FANCM: variants seen among roughly 807,000 people sequenced by gnomAD.
FANCM encodes FA complementation group M.
Under a neutral mutation model 199.5 loss-of-function variants are expected in FANCM, and 140 were observed. That is an observed-to-expected ratio of 0.70 (90% CI 0.61 to 0.81). The LOEUF (loss-of-function observed/expected upper bound fraction) is 0.81. Ranked by LOEUF, FANCM falls within the 30% of genes least tolerant of loss-of-function variation. The pLI, the probability that FANCM is intolerant of heterozygous loss-of-function variation, is 0.00. For synonymous variants in FANCM, 840 were observed against 836.8 expected, an observed-to-expected ratio of 1.00 and a Z score of -0.07; for missense variants, 2,410 against 2,421.4, an observed-to-expected ratio of 1.00 and a Z score of 0.10.
rs1339839636 is a variant in FANCM at position 45,136,403 on chromosome 14, C to G, written c.372C>G (p.Val124=). Residue 124 remains valine (V), a synonymous_variant, in exon 1 of 23, where the codon GTC becomes GTG. Coordinates refer to ENST00000267430, the MANE Select transcript of FANCM (RefSeq NM_020937.4). ...GLGKTFIAAV[V]MYNFYRWFPS... is the part of the protein sequence containing the mutation. ...GAAAGACCTTTATTGCCGCCGTGGT[C>G]ATGTACAATTTCTACCGCTGGTTCC... 1 of 1,614,164 alleles carries G rather than the reference C, an allele frequency of 6.2e-7. No individual in the cohort carries two copies. Among genetic ancestry groups the G allele is most frequent in the Non-Finnish European group, 8.5e-7 (1 of 1,180,030 alleles).
Position 45,198,573 on chromosome 14 carries a change from A to T in FANCM, c.5717-71A>T. On this transcript the variant is annotated intron_variant, in intron 21 of 22. Transcript: ENST00000267430. ...GTGTAGATCTTGGGATTTTAATAAA[A>T]TAAAGTATATTAATAATTCTACTTA... The T allele has an allele frequency of 7.0e-6, 6 of 856,004 alleles. No individual in the cohort carries two copies. The South Asian group carries it at 9.7e-5, about 14-fold the overall frequency. 53.0% of individuals were successfully genotyped at this position (856,004 alleles called of 1,614,324 possible). A position where few individuals can be genotyped will look rare whatever the true frequency, so the allele number is the denominator to read the frequency against.
intron 19 of FANCM, 71 bp from the exon 20 acceptor site, chr14:45,188,731 C>A: frequency 8.7e-7 from 1 of 1,148,116 alleles, no homozygotes; most frequent in Non-Finnish European, 1.3e-6. Flanking sequence ...TTTCATGTGC[C>A]TAGAAGTATA....
chr14:45,170,903 C>G (rs971425366), intron 12 of FANCM, among the ~76,000 whole-genome samples, 157 bp downstream of exon 12: 2 of 151,944 alleles, frequency 1.3e-5, no homozygotes, highest in Non-Finnish European at 2.9e-5. Flanking sequence ...AGAATGTAAT[C>G]AGTGTAAGAA....
chr14:45,197,769 T>C (rs1206959075), intron 21 of FANCM, among the ~76,000 whole-genome samples: 3 of 93,310 alleles, frequency 3.2e-5, no homozygotes, highest in African/African-American at 1.8e-4. Flanking sequence ...CCAGCCTTCT[T>C]TTTTTTTTTT....
chr14:45,148,814 C>T, intron 3 of FANCM, 23 bp from the exon 4 acceptor site: 4 of 1,561,458 alleles, frequency 2.6e-6, no homozygotes, highest in Non-Finnish European at 3.5e-6. Context: ...AGTTTATAAT[C>T]ATACTTAATT....
chr14:45,199,576 A>C (rs2139331007), intron 22 of FANCM, among the ~76,000 whole-genome samples: 1 of 152,338 alleles, frequency 6.6e-6, no homozygotes, highest in Non-Finnish European at 1.5e-5. Flanking sequence ...TAATTCTCAA[A>C]GTTGCCACTT....
Position 45,175,652 on chromosome 14 carries a change from G to A in FANCM, c.2898G>A (p.Glu966=), listed in dbSNP as rs146050453. The A allele has an allele frequency of 1.4e-5, 22 of 1,612,750 alleles. No homozygotes were observed. Among genetic ancestry groups the A allele is most frequent in the South Asian group, 6.6e-5 (6 of 91,056 alleles). Residue 966 remains glutamate (E), a synonymous_variant, in exon 14 of 23, where the codon GAG becomes GAA. Coordinates refer to ENST00000267430, the MANE Select transcript of FANCM (RefSeq NM_020937.4). ...SSNLFLPFEE[E]LYIVRTDDQF... is the part of the protein sequence containing the mutation. ...ACTTATTTCTTCCATTCGAAGAAGA[G>A]CTTTATATTGTTAGAACAGATGACC...
intron 20 of FANCM, among the ~76,000 whole-genome samples, chr14:45,191,239 G>A (rs1270382888): frequency 6.6e-6 from 1 of 152,142 alleles, no homozygotes; most frequent in Non-Finnish European, 1.5e-5. Context: ...GTCTTAGGGT[G>A]TCAATTTGGT....
chr14:45,140,508 A>G, intron 2 of FANCM, 124 bp from the exon 3 acceptor site: 5 of 693,526 alleles, frequency 7.2e-6, no homozygotes, highest in Non-Finnish European at 1.0e-5. Flanking sequence ...TAGTTCACTC[A>G]CTAGACCATC....
At chr14:45,166,427 G>A (rs1048833931) in intron 10 of FANCM, among the ~76,000 whole-genome samples, 6 of 151,898 alleles carry the variant, frequency 4.0e-5, no homozygotes, top group Middle Eastern at 3.2e-3. Context: ...GTGAGCCACC[G>A]CACCCAGCCT....
chr14:45,143,605 A>C (rs1886135559), intron 3 of FANCM, among the ~76,000 whole-genome samples: 1 of 152,034 alleles, frequency 6.6e-6, no homozygotes, highest in Non-Finnish European at 1.5e-5. Flanking sequence ...CCTTTATTGA[A>C]GAATGGTAAA....
chr14:45,162,454 A>G (rs1361930586), intron 9 of FANCM, among the ~76,000 whole-genome samples: 1 of 152,210 alleles, frequency 6.6e-6, no homozygotes, highest in Non-Finnish European at 1.5e-5. Context: ...AATTACTAGA[A>G]AGTAAAATGA....
chr14:45,169,087 C>T (rs1016529371), intron 11 of FANCM, among the ~76,000 whole-genome samples: 2 of 151,532 alleles, frequency 1.3e-5, no homozygotes, highest in Non-Finnish European at 2.9e-5. Flanking sequence ...ACACCTGGCT[C>T]ATTTTTACGT....
At chr14:45,181,019 G>T (rs1020753219) in intron 14 of FANCM, 1 of 192,006 alleles carries the variant, frequency 5.2e-6, no homozygotes, top group Non-Finnish European at 1.1e-5. Context: ...TTGTTTTGTA[G>T]CTTGCATTTT....
chr14:45,152,039 T>C (rs1886858344), intron 5 of FANCM, among the ~76,000 whole-genome samples: 2 of 151,780 alleles, frequency 1.3e-5, no homozygotes, highest in South Asian at 2.1e-4. Flanking sequence ...TTTCTTTTTT[T>C]TTTTTTTGAG....
rs533315033 is a variant in FANCM at position 45,168,084 on chromosome 14, A to G, written c.2002+921A>G. Among the ~76,000 whole-genome samples, 22 of 152,194 alleles carry G rather than the reference A, an allele frequency of 1.4e-4. No individual in the cohort carries two copies. The South Asian group carries it at 3.5e-3, about 24-fold the overall frequency. On this transcript the variant is annotated intron_variant, in intron 11 of 22. Coordinates refer to ENST00000267430, the MANE Select transcript of FANCM (RefSeq NM_020937.4). ...TGGTTTACCTTTATAACAGTTCTCTATATATTTGAAGGCCATACCTTTTAT... is the reference window on the plus strand; with the variant it reads ...TGGTTTACCTTTATAACAGTTCTCTGTATATTTGAAGGCCATACCTTTTAT...
In FANCM at chr14:45,135,996, GATATCTGA is replaced by G; in HGVS notation, c.-35_-28del. 1 of 1,611,318 alleles carries G rather than the reference GATATCTGA, an allele frequency of 6.2e-7. No individual in the cohort carries two copies. Among genetic ancestry groups the G allele is most frequent in the African/African-American group, 1.3e-5 (1 of 75,010 alleles). ...TAGCGGTTGAGCTGCTGCTGCTACG[GATATCTGA>G]CAGAAGCCTTCGGTGGTTGTCGGCC... On this transcript the variant is annotated 5_prime_UTR_variant, in exon 1 of 23. Coordinates refer to ENST00000267430, the MANE Select transcript of FANCM (RefSeq NM_020937.4).
intron 9 of FANCM, among the ~76,000 whole-genome samples, chr14:45,163,528 T>G (rs2139201794): frequency 6.6e-6 from 1 of 152,346 alleles, no homozygotes; most frequent in African/African-American, 2.4e-5. Flanking sequence ...CATTAACTTT[T>G]TCATTAACTC....
At chr14:45,144,343 T>C (rs866266497) in intron 3 of FANCM, among the ~76,000 whole-genome samples, 1 of 129,396 alleles carries the variant, frequency 7.7e-6, no homozygotes, top group African/African-American at 3.4e-5. Flanking sequence ...TCCCAGCCTC[T>C]GTAATCATCC....
Sources: gnomAD v4.1 joint callset for allele counts (sites outside exome capture counted in the v4.1 genomes callset) on GRCh38, gnomAD v4.1.1 for gene constraint, MANE v1.5 for transcripts, NCBI Gene and HGNC (gene_info 2026-07-23, HGNC 2026-07-21) for gene names.